NRXN1: variants seen among roughly 807,000 people sequenced by gnomAD.
NRXN1 encodes neurexin-1.
Under a neutral mutation model 150.9 loss-of-function variants are expected in NRXN1, and 39 were observed. The observed-to-expected ratio is 0.26, with a 90% CI of 0.20 to 0.34. NRXN1 has a LOEUF of 0.34. NRXN1 is among the 10% of genes least tolerant of loss of function. The pLI is 1.00. For missense variants in NRXN1, 1,815 were observed against 1,949.9 expected, an observed-to-expected ratio of 0.93 and a Z score of 1.30; for synonymous variants, 924 against 757.0, an observed-to-expected ratio of 1.22 and a Z score of -3.62.
intron 17 of NRXN1, among the ~76,000 whole-genome samples, chr2:50,272,808 AAC>A (rs2152924421): frequency 6.6e-6 from 1 of 152,256 alleles, no homozygotes. Context: ...AAACTGCAAA[AAC>A]ACACAGATTG....
chr2:50,141,878 T>C (rs1210398498), intron 18 of NRXN1, among the ~76,000 whole-genome samples: 5 of 152,062 alleles, frequency 3.3e-5, no homozygotes, highest in Admixed American at 2.0e-4. Context: ...ACAGCCATTA[T>C]GGAAAACAAT....
At chr2:49,943,592 A>G (rs1672379382) in intron 22 of NRXN1, 112 bp downstream of exon 22, 3 of 730,214 alleles carry the variant, frequency 4.1e-6, no homozygotes, top group African/African-American at 3.5e-5. Context: ...ACAATCAACG[A>G]TGGTATAGGA....
chr2:50,182,197 CA>C (rs1171491258), intron 18 of NRXN1, among the ~76,000 whole-genome samples: 1 of 149,188 alleles, frequency 6.7e-6, no homozygotes. Context: ...ATCGGTTTGG[CA>C]CAAAATCTAG....
At chr2:50,774,010 A>T (rs1703313521) in intron 5 of NRXN1, among the ~76,000 whole-genome samples, 2 of 152,102 alleles carry the variant, frequency 1.3e-5, no homozygotes, top group South Asian at 4.1e-4. Flanking sequence ...ATGCTAAATA[A>T]ACGTTTACAT....
chr2:50,928,720 C>A (rs1264180061), intron 2 of NRXN1, among the ~76,000 whole-genome samples: 1 of 151,972 alleles, frequency 6.6e-6, no homozygotes, highest in Non-Finnish European at 1.5e-5. Context: ...GGTAAAGCAG[C>A]ATATTTTGGT....
chr2:50,428,853 G>C (rs541673448), intron 17 of NRXN1, among the ~76,000 whole-genome samples: 26 of 152,238 alleles, frequency 1.7e-4, no homozygotes, highest in African/African-American at 6.0e-4. Context: ...TTGAATAGAA[G>C]AGGAAAAATA....
rs1173585957 is a variant in NRXN1 at position 50,552,852 on chromosome 2, T to C, written c.1494A>G (p.Ala498=). 1 of 1,614,004 alleles carries C rather than the reference T, an allele frequency of 6.2e-7. No individual in the cohort carries two copies. Among genetic ancestry groups the C allele is most frequent in the Admixed American group, 1.7e-5 (1 of 60,026 alleles). Residue 498 remains alanine (A), a synonymous_variant, in exon 9 of 23, where the codon GCA becomes GCG. Coordinates refer to ENST00000401669, the MANE Select transcript of NRXN1 (RefSeq NM_001330078.2). ...CAAATGATATGGAGCCAGTTTTCTT[T>C]GCATTCCATTTAGGCAAAGAGATGA... ...ESFISLPKWN[A]KKTGSISFDF...
chr2:50,988,823 GC>G (rs1402189178), intron 2 of NRXN1, among the ~76,000 whole-genome samples: 2 of 151,896 alleles, frequency 1.3e-5, no homozygotes, highest in African/African-American at 2.4e-5. Flanking sequence ...TATGCACCCT[GC>G]CTAAAACTTC....
intron 5 of NRXN1, among the ~76,000 whole-genome samples, chr2:50,678,666 G>C (rs569612142): frequency 2.6e-5 from 4 of 151,950 alleles, no homozygotes; most frequent in Admixed American, 1.3e-4. Context: ...TGATCATGTC[G>C]CCAAACTGAG....
chr2:50,348,142 C>T (rs948829365), intron 17 of NRXN1, among the ~76,000 whole-genome samples: 1 of 152,198 alleles, frequency 6.6e-6, no homozygotes, highest in African/African-American at 2.4e-5. Context: ...TGTTTAAACT[C>T]AATCTGCTAA....
intron 18 of NRXN1, among the ~76,000 whole-genome samples, chr2:50,201,787 T>C (rs960786980): frequency 2.2e-4 from 34 of 152,202 alleles, no homozygotes; most frequent in African/African-American, 8.0e-4. Context: ...ACCAAGTTTC[T>C]GACCCTGGCT....
intron 17 of NRXN1, among the ~76,000 whole-genome samples, chr2:50,247,891 T>C (rs1460157170): frequency 2.6e-5 from 4 of 152,162 alleles, no homozygotes; most frequent in Non-Finnish European, 5.9e-5. Context: ...GATGTTAACA[T>C]TTGTGGGAGC....
chr2:50,300,985 C>G (rs757166524), intron 17 of NRXN1, among the ~76,000 whole-genome samples: 32 of 152,044 alleles, frequency 2.1e-4, no homozygotes, highest in Non-Finnish European at 3.5e-4. Context: ...CATGAGCCAC[C>G]ACGATCAGCT....
intron 5 of NRXN1, among the ~76,000 whole-genome samples, chr2:50,877,324 GT>G (rs1244499239): frequency 6.6e-6 from 1 of 151,700 alleles, no homozygotes; most frequent in East Asian, 2.0e-4. Context: ...CTACTTTTCC[GT>G]TCTAGTCTCA....
chr2:50,153,343 A>AT (rs896366955), intron 18 of NRXN1, among the ~76,000 whole-genome samples: 24 of 144,464 alleles, frequency 1.7e-4, no homozygotes, highest in East Asian at 4.1e-4. Context: ...CACAGTTTCT[A>AT]TTTTTTTTTC....
intron 5 of NRXN1, among the ~76,000 whole-genome samples, chr2:50,721,317 G>A (rs1574239041): frequency 6.6e-6 from 1 of 152,166 alleles, no homozygotes; most frequent in Admixed American, 6.5e-5. Flanking sequence ...TGTCTGTCCT[G>A]TTATAAAATC....
chr2:50,692,687 A>T (rs1692242128), intron 5 of NRXN1, among the ~76,000 whole-genome samples: 1 of 152,046 alleles, frequency 6.6e-6, no homozygotes, highest in African/African-American at 2.4e-5. Flanking sequence ...AAAATTGGGG[A>T]GGGCTTTTTT....
chr2:49,969,540 C>T (rs1277199700), intron 21 of NRXN1: 4 of 148,400 alleles, frequency 2.7e-5, no homozygotes, highest in South Asian at 2.1e-4. Flanking sequence ...TGTAATTACA[C>T]CTTATTATAA....
chr2:50,354,586 T>TATACAC (rs1273118975), intron 17 of NRXN1, among the ~76,000 whole-genome samples: 6 of 124,844 alleles, frequency 4.8e-5, no homozygotes, highest in Non-Finnish European at 1.0e-4. Flanking sequence ...TATATATATA[T>TATACAC]ACACACACAC....
Sources: allele counts gnomAD v4.1 joint callset (sites outside exome capture counted in the v4.1 genomes callset), GRCh38; gene constraint gnomAD v4.1.1; transcripts MANE v1.5; gene names NCBI Gene and HGNC (gene_info 2026-07-23, HGNC 2026-07-21).